Variants in B4GALT2 observed in about 807,000 individuals in gnomAD.
B4GALT2 encodes beta-1,4-galactosyltransferase 2, also known as N-acetyllactosamine synthase.
B4GALT2 carries 18 observed loss-of-function variants against 33.2 expected under a neutral mutation model. That is an observed-to-expected ratio of 0.54 (90% CI 0.38 to 0.80). B4GALT2 has a LOEUF of 0.80. B4GALT2 is among the 30% of genes least tolerant of loss of function. The pLI, the probability that B4GALT2 is intolerant of heterozygous loss-of-function variation, is 0.00. For synonymous variants in B4GALT2, 214 were observed against 217.6 expected, an observed-to-expected ratio of 0.98 and a Z score of 0.15; for missense variants, 404 against 526.2, an observed-to-expected ratio of 0.77 and a Z score of 2.27.
rs1243967453 is a variant in B4GALT2 at position 43,984,682 on chromosome 1, C to G, written c.550-183C>G. Among the ~76,000 whole-genome samples the G allele has an allele frequency of 6.6e-6, 1 of 152,154 alleles. No homozygotes were observed. The highest frequency in any genetic ancestry group is 1.5e-5 in the Non-Finnish European group (1 of 68,018). Reference sequence around the variant, plus strand: ...GCAGTGGCCAGAGAGGAGGCTGGAGCCACATATGAAAGGCCTTTGTAGGCC... The same window carrying G: ...GCAGTGGCCAGAGAGGAGGCTGGAGGCACATATGAAAGGCCTTTGTAGGCC... On this transcript the variant is annotated intron_variant, in intron 3 of 6. Transcript: ENST00000372324. The surrounding 1 kb of genome is among the most constrained non-coding windows in gnomAD (Gnocchi z 5.6).
At chr1:43,990,229 G>T in intron 6 of B4GALT2, 69 bp from the exon 7 acceptor site, 1 of 1,585,988 alleles carries the variant, frequency 6.3e-7, no homozygotes, top group Non-Finnish European at 8.6e-7. Flanking sequence ...TAGTTGGTTG[G>T]GGGGTGTAGG....
At chr1:43,987,703 C>T (rs1344238127) in intron 6 of B4GALT2, among the ~76,000 whole-genome samples, 3 of 152,318 alleles carry the variant, frequency 2.0e-5, no homozygotes, top group East Asian at 1.9e-4. Flanking sequence ...AAACATTTCT[C>T]AGAGCCTTTA....
At chr1:43,986,829 G>A (rs2085664314) in intron 6 of B4GALT2, among the ~76,000 whole-genome samples, 1 of 152,228 alleles carries the variant, frequency 6.6e-6, no homozygotes, top group Admixed American at 6.5e-5. Context: ...GCCTGGCATA[G>A]CCGCTGGGTG....
At chr1:43,985,721 A>G in intron 6 of B4GALT2, 100 bp downstream of exon 6, 2 of 1,101,780 alleles carry the variant, frequency 1.8e-6, no homozygotes, top group Non-Finnish European at 2.7e-6. Flanking sequence ...CCAGTGGGGG[A>G]CCTCCAAGCA....
intron 6 of B4GALT2, among the ~76,000 whole-genome samples, chr1:43,989,463 T>G (rs772458281): frequency 7.2e-5 from 11 of 152,196 alleles, no homozygotes; most frequent in Non-Finnish European, 1.5e-4. Flanking sequence ...ACAGGCACTT[T>G]GAGGGAGGGA....
chr1:43,990,628 T>TG lies in B4GALT2; in HGVS notation c.*181dup, dbSNP rs1378261580. On this transcript the variant is annotated 3_prime_UTR_variant, in exon 7 of 7. Coordinates refer to ENST00000372324, the MANE Select transcript of B4GALT2 (RefSeq NM_003780.5). ...TCAGAACCCACTTTGGGGGGCCTCC[T>TG]GCCTGGGCAGGCTCTTCAAGTGTGG... The TG allele has an allele frequency of 1.2e-6, 1 of 840,974 alleles. No homozygotes were observed. The highest frequency in any genetic ancestry group is 1.8e-6 in the Non-Finnish European group (1 of 554,940). The allele number at this position is 840,974 out of a possible 1,614,324, so 52.1% of individuals were successfully genotyped here.
intron 1 of B4GALT2, chr1:43,980,710 G>T: frequency 2.1e-6 from 1 of 465,678 alleles, no homozygotes; most frequent in Non-Finnish European, 3.0e-6. Flanking sequence ...CAGGGGCACA[G>T]GGGCACATGG....
Position 43,981,742 on chromosome 1 carries a change from A to T in B4GALT2, c.367A>T (p.Arg123Trp). The change falls in exon 3 of 7, where the codon AGG (arginine) becomes TGG (tryptophan). Residue 123 changes from arginine (R) to tryptophan (W), a missense_variant. Physicochemically the swap from Arg to Trp is moderately radical, Grantham distance 101 (BLOSUM62 -3). Transcript: ENST00000372324. The surrounding 1 kb of genome is among the most constrained non-coding windows in gnomAD (Gnocchi z 8.1). ...ACCCATGCCCCTGGAGCGGGTGCAG[A>T]GGGAGAACCCAGGCGTGCTCATGGG... ...TSPMPLERVQ[R>W]ENPGVLMGGR... 6.2e-7 allele frequency: 1 copy of T among 1,613,412 alleles called. No homozygotes were observed. Among genetic ancestry groups the T allele is most frequent in the Non-Finnish European group, 8.5e-7 (1 of 1,179,998 alleles).
chr1:43,987,118 G>C (rs2085667310), intron 6 of B4GALT2, among the ~76,000 whole-genome samples: 1 of 152,188 alleles, frequency 6.6e-6, no homozygotes, highest in Admixed American at 6.5e-5. Context: ...ACCAAGAGGA[G>C]AGGGGCTTCA....
rs1557650000 is a variant in B4GALT2, at chr1:43,981,274, C to T, written c.114C>T (p.His38=). The change falls in exon 2 of 7, where the codon CAC becomes CAT. Residue 38 remains histidine (H), a synonymous_variant. Transcript: ENST00000372324. The surrounding 1 kb of genome is among the most constrained non-coding windows in gnomAD (Gnocchi z 8.1). ...TCTACTTTGACGTCTACGCCCAGCA[C>T]CTGGCCTTCTTCAGCCGCTTCAGTG... The part of the protein sequence containing the change: ...VILYFDVYAQ[H]LAFFSRFSAR... 2 of 1,606,786 alleles carry T rather than the reference C, an allele frequency of 1.2e-6. No homozygotes were observed. The highest frequency in any genetic ancestry group is 1.7e-6 in the Non-Finnish European group (2 of 1,179,892).
chr1:43,980,718 T>G, intron 1 of B4GALT2: 15 of 439,806 alleles, frequency 3.4e-5, no homozygotes, highest in East Asian at 8.6e-5. Context: ...CAGGGGCACA[T>G]GGGGGTCTAT....
chr1:43,986,718 G>T (rs929476396), intron 6 of B4GALT2, among the ~76,000 whole-genome samples: 2 of 152,182 alleles, frequency 1.3e-5, no homozygotes, highest in Admixed American at 6.5e-5. Context: ...GTTAACTTTT[G>T]TCCCAGAGGA....
chr1:43,982,056 G>A lies in B4GALT2; in HGVS notation c.549+132G>A. ...TAGTCGGTGTTTGTCAGTGTGCACA[G>A]GAATGTGTACGCACAGTGTGTGCAT... On this transcript the variant is annotated intron_variant, in intron 3 of 6. Transcript: ENST00000372324. The surrounding 1 kb of genome is among the most constrained non-coding windows in gnomAD (Gnocchi z 4.3). 1.2e-6 allele frequency: 1 copy of A among 863,308 alleles called. No individual in the cohort carries two copies. 53.5% of individuals were successfully genotyped at this position (863,308 alleles called of 1,614,324 possible).
At chr1:43,990,143 A>G (rs952930141) in intron 6 of B4GALT2, among the ~76,000 whole-genome samples, 155 bp from the exon 7 acceptor site, 3 of 152,160 alleles carry the variant, frequency 2.0e-5, no homozygotes, top group African/African-American at 7.2e-5. Context: ...GGCATGTTTG[A>G]CGTCCCTTCC....
In B4GALT2 at chr1:43,985,350, C is replaced by T; in HGVS notation, c.813C>T (p.Phe271=). The T allele has an allele frequency of 6.2e-7, 1 of 1,612,262 alleles. No homozygotes were observed. The highest frequency in any genetic ancestry group is 8.5e-7 in the Non-Finnish European group (1 of 1,179,388). The change falls in exon 5 of 7, where the codon TTC becomes TTT. Residue 271 remains phenylalanine (F), a synonymous_variant. Transcript: ENST00000372324. ...CTCAGTTTCTGAGAATCAATGGCTT[C>T]CCCAATGAGTACTGGGGCTGGGGTG... ...SKAQFLRING[F]PNEYWGWGGE... is the part of the protein sequence containing the mutation.
intron 6 of B4GALT2, among the ~76,000 whole-genome samples, chr1:43,989,165 G>C (rs2085693757): frequency 6.6e-6 from 1 of 152,034 alleles, no homozygotes; most frequent in South Asian, 2.1e-4. Flanking sequence ...TGACCAACAT[G>C]GTGAAACCCC....
intron 6 of B4GALT2, among the ~76,000 whole-genome samples, chr1:43,987,337 A>T (rs1026528387): frequency 2.0e-5 from 3 of 152,138 alleles, no homozygotes; most frequent in Non-Finnish European, 2.9e-5. Context: ...CCACCCCCAG[A>T]AAGTTTAGCA....
intron 3 of B4GALT2, among the ~76,000 whole-genome samples, chr1:43,983,621 C>G (rs1263772098): frequency 6.6e-6 from 1 of 152,114 alleles, no homozygotes; most frequent in African/African-American, 2.4e-5. Flanking sequence ...AGAGACAACT[C>G]TTTAAAAAAA....
In B4GALT2 at chr1:43,979,886, C is replaced by T. The variant is rs2085575037; in HGVS notation, c.-53+375C>T. The T allele has an allele frequency of 1.8e-6, 2 of 1,129,390 alleles. No homozygotes were observed. The allele number at this position is 1,129,390 out of a possible 1,614,324, so 70.0% of individuals were successfully genotyped here. On this transcript the variant is annotated intron_variant, in intron 1 of 6. Transcript: ENST00000372324. This position sits in a 1 kb window ranked among gnomAD's most constrained non-coding sequence, Gnocchi z 4.8. ...CGTCCGCGGGTGCCACGTGTTCAGC[C>T]TGCCAGCCCCGCCCAAACGCACCCC...
Sources: gnomAD v4.1 joint callset for allele counts (sites outside exome capture counted in the v4.1 genomes callset) on GRCh38, gnomAD v4.1.1 for gene constraint, Gnocchi (gnomAD v3.1) non-coding constraint, MANE v1.5 for transcripts, NCBI Gene and HGNC (gene_info 2026-07-23, HGNC 2026-07-21) for gene names.